Variants in CLPTM1L observed in about 807,000 individuals in gnomAD.
CLPTM1L encodes the protein CLPTM1 like.
Under a neutral mutation model 70.9 loss-of-function variants are expected in CLPTM1L, and 38 were observed. The ratio of observed to expected loss-of-function variants is 0.54; its 90% CI spans 0.41 to 0.70. CLPTM1L has a LOEUF of 0.70. CLPTM1L is among the 30% of genes least tolerant of loss of function. CLPTM1L has a pLI of 0.00. For synonymous variants in CLPTM1L, 339 were observed against 299.9 expected, an observed-to-expected ratio of 1.13 and a Z score of -1.35; for missense variants, 652 against 705.9, an observed-to-expected ratio of 0.92 and a Z score of 0.87.
At chr5:1,320,776 T>G (rs948660475) in intron 15 of CLPTM1L, 45 bp from the exon 16 acceptor site, 50 of 1,184,872 alleles carry the variant, frequency 4.2e-5, no homozygotes, top group Non-Finnish European at 5.5e-5. Flanking sequence ...TTGCTGGGGC[T>G]GGAATCCTAC....
At chr5:1,325,579 C>G in intron 10 of CLPTM1L, 172 bp downstream of exon 10, 1 of 640,282 alleles carries the variant, frequency 1.6e-6, no homozygotes, top group Non-Finnish European at 2.8e-6. Flanking sequence ...GGGGAATCCT[C>G]AGGCGAAGAG....
intron 5 of CLPTM1L, among the ~76,000 whole-genome samples, chr5:1,337,529 T>G (rs564317856): frequency 2.9e-4 from 44 of 152,250 alleles, no homozygotes; most frequent in Non-Finnish European, 5.1e-4. Context: ...AGGAGTTTGC[T>G]CAGGATACTG....
At chr5:1,324,007 C>T (rs777272690) in intron 11 of CLPTM1L, 138 bp from the exon 12 acceptor site, 16 of 670,324 alleles carry the variant, frequency 2.4e-5, no homozygotes, top group South Asian at 8.6e-5. Flanking sequence ...CTGCAGGGGG[C>T]GGCGTGAGGG....
intron 1 of CLPTM1L, 47 bp from the exon 2 acceptor site, chr5:1,344,498 G>A: frequency 6.4e-7 from 1 of 1,556,248 alleles, no homozygotes; most frequent in South Asian, 1.1e-5. Context: ...GGCCCTGGCA[G>A]GACGCACTCA....
chr5:1,327,202 C>G (rs1015088727), intron 9 of CLPTM1L, among the ~76,000 whole-genome samples: 5 of 150,504 alleles, frequency 3.3e-5, no homozygotes, highest in African/African-American at 1.2e-4. Flanking sequence ...AGACACATTC[C>G]ATCCAGCTCC....
At position 1,341,651 on chromosome 5, in the gene CLPTM1L, T is replaced by C; in HGVS notation, c.453+20A>G. The C allele has an allele frequency of 3.2e-6, 5 of 1,581,358 alleles. No homozygotes were observed. Among genetic ancestry groups the C allele is most frequent in the Non-Finnish European group, 4.3e-6 (5 of 1,156,770 alleles). ...ACGGAGAGGCACAGCCTGTTATCAG[T>C]AACCCATGAAGACCCTCACCTGTGT... is the stretch of plus-strand genomic sequence containing the variant. On this transcript the variant is annotated intron_variant, in intron 3 of 16. Coordinates refer to ENST00000320895, the MANE Select transcript of CLPTM1L (RefSeq NM_030782.5).
intron 10 of CLPTM1L, chr5:1,325,168 G>A (rs902559051): frequency 1.2e-4 from 43 of 361,370 alleles, no homozygotes; most frequent in Non-Finnish European, 2.0e-4. Context: ...CATGGGGCAA[G>A]GTGGAACACA....
In CLPTM1L at chr5:1,341,761, C is replaced by T; in HGVS notation, c.363G>A (p.Gly121=). Residue 121 remains glycine, a synonymous_variant, in exon 3 of 17, where the codon GGG becomes GGA. Coordinates refer to ENST00000320895, the MANE Select transcript of CLPTM1L (RefSeq NM_030782.5). The part of the protein sequence containing the change: ...HHAGVLPWHD[G]KQVHLVSPLT... Reference sequence around the variant, plus strand: ...GAGGACTGACCAGGTGCACCTGCTTCCCGTCGTGCCACGGCAGGACCCCAG... The same window carrying T: ...GAGGACTGACCAGGTGCACCTGCTTTCCGTCGTGCCACGGCAGGACCCCAG... 3 of 1,614,046 alleles carry T rather than the reference C, an allele frequency of 1.9e-6. No individual in the cohort carries two copies. The highest frequency in any genetic ancestry group is 2.5e-6 in the Non-Finnish European group (3 of 1,179,988).
In CLPTM1L at chr5:1,344,365, C is replaced by T; in HGVS notation, c.249G>A (p.Glu83=). 3 of 1,613,012 alleles carry T rather than the reference C, an allele frequency of 1.9e-6. No individual in the cohort carries two copies. Among genetic ancestry groups the T allele is most frequent in the Non-Finnish European group, 2.5e-6 (3 of 1,179,110 alleles). Residue 83 remains glutamate (E), a synonymous_variant, in exon 2 of 17, where the codon GAG becomes GAA. Transcript: ENST00000320895. ...TACGCCCATACCTTTCAAATTTGGA[C>T]TCCACATCAAAGTCTTCCACATTCA... ...LVLNVEDFDV[E]SKFERTVNVS...
At chr5:1,325,529 G>A (rs2126727238) in intron 10 of CLPTM1L, 1 of 553,276 alleles carries the variant, frequency 1.8e-6, no homozygotes, top group Non-Finnish European at 3.2e-6. Context: ...CAGAAGTGCT[G>A]CCGTCTGCAC....
chr5:1,333,472 G>C, intron 7 of CLPTM1L, among the ~76,000 whole-genome samples: 2 of 139,848 alleles, frequency 1.4e-5, no homozygotes, highest in Non-Finnish European at 3.0e-5. Flanking sequence ...GATAAGGGGG[G>C]ACTATTGTAT....
Position 1,325,737 on chromosome 5 carries a change from C to A in CLPTM1L, c.1146+14G>T. ...AGAGAGGCTTGGGGTTCAGCCATTA[C>A]AACTAAATCCTACCTGAAATTCGGG... On this transcript the variant is annotated intron_variant, in intron 10 of 16. Transcript: ENST00000320895. The A allele has an allele frequency of 2.5e-6, 4 of 1,610,312 alleles. No individual in the cohort carries two copies. Among genetic ancestry groups the A allele is most frequent in the Non-Finnish European group, 8.5e-7 (1 of 1,176,616 alleles).
At chr5:1,326,218 T>TC (rs1459937267) in intron 9 of CLPTM1L, 1 of 256,350 alleles carries the variant, frequency 3.9e-6, no homozygotes, top group African/African-American at 2.2e-5. Flanking sequence ...CCCACGGAGC[T>TC]CAGGACGGGT....
At chr5:1,333,215 G>C (rs28601715) in intron 7 of CLPTM1L, among the ~76,000 whole-genome samples, 2 of 15,786 alleles carry the variant, frequency 1.3e-4, no homozygotes, top group Non-Finnish European at 2.1e-4. Context: ...GACTACTGTA[G>C]ACACACCGGA....
intron 16 of CLPTM1L, among the ~76,000 whole-genome samples, chr5:1,319,147 C>T (rs1752000670): frequency 6.6e-6 from 1 of 152,210 alleles, no homozygotes; most frequent in African/African-American, 2.4e-5. Context: ...TTGAGACAAC[C>T]ACACCAGGCG....
chr5:1,338,596 C>G (rs1228428513), intron 4 of CLPTM1L, among the ~76,000 whole-genome samples: 1 of 152,278 alleles, frequency 6.6e-6, no homozygotes, highest in Non-Finnish European at 1.5e-5. Context: ...CCCATCAGCG[C>G]CTTCCGTTTT....
chr5:1,322,788 G>A, intron 13 of CLPTM1L, 89 bp downstream of exon 13: 2 of 1,352,334 alleles, frequency 1.5e-6, no homozygotes, highest in Non-Finnish European at 1.1e-6. Flanking sequence ...TCACAGGGGG[G>A]CTTGCCACAC....
chr5:1,325,112 G>GCA, intron 10 of CLPTM1L: 1 of 508,142 alleles, frequency 2.0e-6, no homozygotes, highest in East Asian at 3.3e-5. Flanking sequence ...ACACTGCAGA[G>GCA]CACACAGGCA....
chr5:1,333,639 G>T (rs1753320467), intron 7 of CLPTM1L, among the ~76,000 whole-genome samples: 3 of 7,636 alleles, frequency 3.9e-4, no homozygotes, highest in Admixed American at 2.0e-3. Flanking sequence ...ATGAGGATAA[G>T]GGGGACTACT....
Sources: allele counts gnomAD v4.1 joint callset (sites outside exome capture counted in the v4.1 genomes callset), GRCh38; gene constraint gnomAD v4.1.1; transcripts MANE v1.5; gene names NCBI Gene and HGNC (gene_info 2026-07-23, HGNC 2026-07-21).